The following B3GALT5 variants were observed in gnomAD, a reference collection of about 807,000 sequenced individuals.
B3GALT5 encodes the protein beta-1,3-galactosyltransferase 5, also known as UDP-Gal:betaGlcNAc beta 1,3-galactosyltransferase, polypeptide 5.
For synonymous variants in B3GALT5, 156 were observed against 158.6 expected, an observed-to-expected ratio of 0.98 and a Z score of 0.12; for missense variants, 328 against 396.6, an observed-to-expected ratio of 0.83 and a Z score of 1.47.
intron 1 of B3GALT5, among the ~76,000 whole-genome samples, chr21:39,641,755 T>C (rs571843347): frequency 1.3e-5 from 2 of 152,242 alleles, no homozygotes; most frequent in Admixed American, 6.5e-5. Flanking sequence ...TTCCATCATA[T>C]AATTCTTCAT....
chr21:39,633,565 C>T (rs921883442), intron 1 of B3GALT5, among the ~76,000 whole-genome samples: 2 of 152,222 alleles, frequency 1.3e-5, no homozygotes, highest in Non-Finnish European at 2.9e-5. Context: ...ACAAAGACAT[C>T]TCCTAAACTC....
chr21:39,636,351 G>GTGC (rs537649049), intron 1 of B3GALT5, among the ~76,000 whole-genome samples: 24 of 152,308 alleles, frequency 1.6e-4, no homozygotes, highest in Middle Eastern at 3.4e-3. Context: ...AACTGCAGCT[G>GTGC]TGCTGGGAGG....
Position 39,660,573 on chromosome 21 carries a change from AGATGAGATT to A in B3GALT5, c.19_27del (p.Arg7_Met9del). ...TGTTCCTTTCAGATGGCTTTCCCGAAGATGAGATTGATGTATATTTGCCTTCTGGTTCTG... is the reference window on the plus strand; with the variant it reads ...TGTTCCTTTCAGATGGCTTTCCCGAAGATGTATATTTGCCTTCTGGTTCTG... On this transcript the variant is annotated inframe_deletion, in exon 4 of 4. Coordinates refer to ENST00000684187, the MANE Select transcript of B3GALT5 (RefSeq NM_001356336.2). 7.0e-7 allele frequency: 1 copy of A among 1,419,976 alleles called. No individual in the cohort carries two copies. Among genetic ancestry groups the A allele is most frequent in the Non-Finnish European group, 9.2e-7 (1 of 1,083,352 alleles). The allele number at this position is 1,419,976 out of a possible 1,614,324, so 88.0% of individuals were successfully genotyped here.
intron 2 of B3GALT5, among the ~76,000 whole-genome samples, chr21:39,648,897 A>G (rs2146207042): frequency 6.6e-6 from 1 of 152,328 alleles, no homozygotes; most frequent in Middle Eastern, 3.4e-3. Context: ...GAAGCCGACC[A>G]TCTGCAAGCC....
At chr21:39,656,868 A>G (rs551973415) in intron 2 of B3GALT5, among the ~76,000 whole-genome samples, 1 of 152,046 alleles carries the variant, frequency 6.6e-6, no homozygotes, top group Non-Finnish European at 1.5e-5. Context: ...TACTTGTTCC[A>G]CTTTAATTCA....
At chr21:39,613,832 G>T (rs1205541161) in intron 1 of B3GALT5, among the ~76,000 whole-genome samples, 1 of 152,214 alleles carries the variant, frequency 6.6e-6, no homozygotes, top group Non-Finnish European at 1.5e-5. Context: ...AACTGAATCT[G>T]CAGTAATCAG....
intron 1 of B3GALT5, among the ~76,000 whole-genome samples, chr21:39,645,934 G>A (rs1351696381): frequency 6.6e-6 from 1 of 150,688 alleles, no homozygotes; most frequent in Non-Finnish European, 1.5e-5. Flanking sequence ...TGTTAGGCTC[G>A]GACACTGATC....
At chr21:39,659,712 C>A in intron 2 of B3GALT5, 41 bp from the exon 3 acceptor site, 1 of 976,724 alleles carries the variant, frequency 1.0e-6, no homozygotes, top group Non-Finnish European at 1.2e-6. Context: ...GCTGGTAAGG[C>A]ACGAGTGATT....
chr21:39,619,544 A>G lies in B3GALT5; in HGVS notation c.-392+6477A>G, dbSNP rs576114215. Among the ~76,000 whole-genome samples the G allele has an allele frequency of 8.6e-5, 13 of 151,996 alleles. No individual in the cohort carries two copies. In the East Asian group the frequency reaches 2.1e-3, roughly 25 times the overall value. On this transcript the variant is annotated intron_variant, in intron 1 of 3. Coordinates refer to ENST00000684187, the MANE Select transcript of B3GALT5 (RefSeq NM_001356336.2). ...ATATATACTAGATCAAGTTAGGTCAAGTTTTCCCATCTTGTTTTGCTTTAT... is the reference window on the plus strand; with the variant it reads ...ATATATACTAGATCAAGTTAGGTCAGGTTTTCCCATCTTGTTTTGCTTTAT...
At chr21:39,620,043 C>G (rs1602253590) in intron 1 of B3GALT5, among the ~76,000 whole-genome samples, 2 of 152,200 alleles carry the variant, frequency 1.3e-5, no homozygotes. Flanking sequence ...CCAGGCTGGT[C>G]TCGAACCCCT....
chr21:39,637,881 C>A (rs1441724307), intron 1 of B3GALT5, among the ~76,000 whole-genome samples: 3 of 152,164 alleles, frequency 2.0e-5, no homozygotes, highest in Admixed American at 1.3e-4. Flanking sequence ...AGCAAGTGAG[C>A]CCTTTGGGGA....
At chr21:39,618,128 A>G (rs943484008) in intron 1 of B3GALT5, among the ~76,000 whole-genome samples, 3 of 152,170 alleles carry the variant, frequency 2.0e-5, no homozygotes, top group Non-Finnish European at 2.9e-5. Flanking sequence ...GCACTCTAGC[A>G]TGGGCAACAG....
At chr21:39,641,529 G>A (rs563052496) in intron 1 of B3GALT5, among the ~76,000 whole-genome samples, 5 of 152,172 alleles carry the variant, frequency 3.3e-5, no homozygotes, top group Non-Finnish European at 7.4e-5. Context: ...CCTTTACCGC[G>A]TTTTTTAATA....
At chr21:39,634,267 G>A (rs2146193402) in intron 1 of B3GALT5, among the ~76,000 whole-genome samples, 1 of 152,278 alleles carries the variant, frequency 6.6e-6, no homozygotes, top group Admixed American at 6.5e-5. Flanking sequence ...GGAGGATGGT[G>A]GGGAAGGAAT....
chr21:39,647,417 G>A (rs1220035279), intron 2 of B3GALT5, among the ~76,000 whole-genome samples: 1 of 152,106 alleles, frequency 6.6e-6, no homozygotes, highest in Non-Finnish European at 1.5e-5. Context: ...ATACTCCCTT[G>A]TTTTAATTAA....
intron 1 of B3GALT5, among the ~76,000 whole-genome samples, chr21:39,625,529 A>G (rs2079159212): frequency 6.6e-6 from 1 of 152,248 alleles, no homozygotes; most frequent in African/African-American, 2.4e-5. Flanking sequence ...ATTTGCAGCA[A>G]TTTATTAGTT....
intron 1 of B3GALT5, among the ~76,000 whole-genome samples, chr21:39,613,622 T>C (rs929973207): frequency 6.6e-6 from 1 of 152,214 alleles, no homozygotes; most frequent in African/African-American, 2.4e-5. Flanking sequence ...ACCTTAAGAC[T>C]CAGTAATGAA....
chr21:39,642,873 C>CAAAA (rs1210751363), intron 1 of B3GALT5, among the ~76,000 whole-genome samples: 1 of 100,082 alleles, frequency 1.0e-5, no homozygotes. Context: ...CCCATTGCCA[C>CAAAA]AAAAAAAAAA....
At chr21:39,642,767 G>A (rs1253839027) in intron 1 of B3GALT5, among the ~76,000 whole-genome samples, 4 of 152,100 alleles carry the variant, frequency 2.6e-5, no homozygotes, top group Non-Finnish European at 4.4e-5. Flanking sequence ...TGGGCATGGT[G>A]GCTCACGCCT....
Sources: gnomAD v4.1 joint callset for allele counts (sites outside exome capture counted in the v4.1 genomes callset) on GRCh38, gnomAD v4.1.1 for gene constraint, MANE v1.5 for transcripts, NCBI Gene and HGNC (gene_info 2026-07-23, HGNC 2026-07-21) for gene names.